Variants in ADAMTSL1 observed in about 807,000 individuals in gnomAD.
ADAMTSL1 encodes ADAMTS like 1.
ADAMTSL1 carries 126 observed loss-of-function variants against 201.8 expected under a neutral mutation model. The observed-to-expected ratio is 0.62, with a 90% CI of 0.54 to 0.72. ADAMTSL1 has a LOEUF of 0.72. Ranked by LOEUF, ADAMTSL1 falls within the 30% of genes least tolerant of loss-of-function variation. The pLI is 0.00. For missense variants in ADAMTSL1, 2,679 were observed against 2,277.8 expected (o/e 1.18, Z -3.59); for synonymous variants, 1,121 against 903.4 (o/e 1.24, Z -4.32).
At chr9:18,583,872 C>T (rs1823284980) in intron 4 of ADAMTSL1, among the ~76,000 whole-genome samples, 1 of 152,108 alleles carries the variant, frequency 6.6e-6, no homozygotes, top group Non-Finnish European at 1.5e-5. Context: ...CAATTTCTCC[C>T]ATTTGGAATG....
At chr9:18,529,858 C>T (rs1819325573) in intron 2 of ADAMTSL1, among the ~76,000 whole-genome samples, 1 of 152,146 alleles carries the variant, frequency 6.6e-6, no homozygotes, top group Non-Finnish European at 1.5e-5. Context: ...CCATATTAGG[C>T]ATTAGACAAC....
intron 15 of ADAMTSL1, among the ~76,000 whole-genome samples, chr9:18,730,216 A>T (rs1032078102): frequency 9.2e-5 from 14 of 152,208 alleles, no homozygotes; most frequent in African/African-American, 3.4e-4. Context: ...TGACGAGAAG[A>T]GTTTTTCTAT....
In ADAMTSL1 at chr9:18,089,737, G is replaced by A. The variant is rs564267668; in HGVS notation, c.88-74125G>A. The stretch of plus-strand genomic sequence containing the variant: ...TCATAGAAGCAGAGAGTATAATGGT[G>A]GTTGTCAGGGTCTAGAGGGAGGAGA... On this transcript the variant is annotated intron_variant, in intron 1 of 29. Coordinates refer to the ADAMTSL1 transcript ENST00000680146. Among the ~76,000 whole-genome samples, 470 of 152,282 alleles carry A rather than the reference G, an allele frequency of 3.1e-3. 1 individual carries two copies. The highest frequency in any genetic ancestry group is 0.011 in the African/African-American group (451 of 41,560).
intron 23 of ADAMTSL1, among the ~76,000 whole-genome samples, chr9:18,886,461 C>T (rs984023546): frequency 6.6e-5 from 10 of 151,976 alleles, no homozygotes; most frequent in African/African-American, 1.7e-4. Context: ...AGAGGGTAGC[C>T]GCCTGTCTTA....
At chr9:17,970,516 C>A (rs558281341) in intron 1 of ADAMTSL1, among the ~76,000 whole-genome samples, 1 of 151,998 alleles carries the variant, frequency 6.6e-6, no homozygotes, top group Non-Finnish European at 1.5e-5. Context: ...TTCTTGTCAC[C>A]TTTAACTTGA....
At chr9:18,699,087 A>T (rs1831759703) in intron 13 of ADAMTSL1, among the ~76,000 whole-genome samples, 1 of 152,202 alleles carries the variant, frequency 6.6e-6, no homozygotes. Flanking sequence ...ATTTTCCTCT[A>T]GCATAAAGTC....
chr9:17,985,857 A>G (rs1019262630), intron 1 of ADAMTSL1, among the ~76,000 whole-genome samples: 2 of 152,216 alleles, frequency 1.3e-5, no homozygotes, highest in African/African-American at 4.8e-5. Context: ...AAACCTCCTC[A>G]TTTCATGCAA....
At chr9:18,313,758 C>G (rs2132809020) in intron 2 of ADAMTSL1, among the ~76,000 whole-genome samples, 1 of 152,194 alleles carries the variant, frequency 6.6e-6, no homozygotes, top group East Asian at 1.9e-4. Flanking sequence ...GGAAAGAAAC[C>G]TCCTGACATT....
chr9:18,010,620 C>T (rs533607774), intron 1 of ADAMTSL1, among the ~76,000 whole-genome samples: 59 of 152,074 alleles, frequency 3.9e-4, no homozygotes, highest in African/African-American at 1.1e-3. Flanking sequence ...CCCTAAGTAT[C>T]GTCAGTGCTG....
intron 2 of ADAMTSL1, among the ~76,000 whole-genome samples, chr9:18,311,009 G>A (rs966006693): frequency 6.7e-6 from 1 of 150,290 alleles, no homozygotes; most frequent in South Asian, 2.1e-4. Context: ...ATACACCATG[G>A]AATACTATGC....
chr9:18,786,874 G>T (rs1821740745), intron 19 of ADAMTSL1, among the ~76,000 whole-genome samples: 1 of 152,154 alleles, frequency 6.6e-6, no homozygotes. Flanking sequence ...ATATTTCCCA[G>T]AAAGTTTTGT....
chr9:18,044,640 AT>A (rs1821581255), intron 1 of ADAMTSL1, among the ~76,000 whole-genome samples: 1 of 152,202 alleles, frequency 6.6e-6, no homozygotes, highest in Non-Finnish European at 1.5e-5. Context: ...ATATAGATAC[AT>A]TTGAGTTCAA....
intron 2 of ADAMTSL1, among the ~76,000 whole-genome samples, chr9:18,296,992 C>G (rs35132372): frequency 0.046 from 6,966 of 152,148 alleles, 247 homozygotes; most frequent in Non-Finnish European, 0.074. Context: ...GCCACCACCA[C>G]CACCTCCACC....
At chr9:18,628,295 T>G (rs1183298083) in intron 5 of ADAMTSL1, among the ~76,000 whole-genome samples, 1 of 152,184 alleles carries the variant, frequency 6.6e-6, no homozygotes, top group Non-Finnish European at 1.5e-5. Flanking sequence ...GCTTGAATTT[T>G]TTTTCGTATA....
chr9:18,265,104 G>C (rs1483104210), intron 2 of ADAMTSL1, among the ~76,000 whole-genome samples: 1 of 152,184 alleles, frequency 6.6e-6, no homozygotes, highest in African/African-American at 2.4e-5. Context: ...TTTAGTAAAA[G>C]TGCTAACAAA....
chr9:17,968,122 C>T (rs1333045685), intron 1 of ADAMTSL1, among the ~76,000 whole-genome samples: 1 of 152,012 alleles, frequency 6.6e-6, no homozygotes, highest in Non-Finnish European at 1.5e-5. Flanking sequence ...TGAAATGGAA[C>T]CTATGGATTA....
intron 2 of ADAMTSL1, among the ~76,000 whole-genome samples, chr9:18,344,057 A>G (rs1353504079): frequency 2.0e-5 from 3 of 152,152 alleles, no homozygotes; most frequent in Non-Finnish European, 4.4e-5. Flanking sequence ...CTTTTTCAAA[A>G]AAACCATTAG....
chr9:18,581,594 A>G (rs1015410480), intron 4 of ADAMTSL1, among the ~76,000 whole-genome samples: 1 of 152,222 alleles, frequency 6.6e-6, no homozygotes, highest in African/African-American at 2.4e-5. Flanking sequence ...TGAGACTTGG[A>G]TATAGTGCAT....
At chr9:18,137,839 CA>C (rs1382633307) in intron 1 of ADAMTSL1, among the ~76,000 whole-genome samples, 1 of 152,072 alleles carries the variant, frequency 6.6e-6, no homozygotes, top group Non-Finnish European at 1.5e-5. Context: ...TGGTGCAGAG[CA>C]GTAACTTTTT....
Sources: allele counts gnomAD v4.1 joint callset (sites outside exome capture counted in the v4.1 genomes callset), GRCh38; gene constraint gnomAD v4.1.1; transcripts MANE v1.5; gene names NCBI Gene and HGNC (gene_info 2026-07-23, HGNC 2026-07-21).